ERBB4: variants seen among roughly 807,000 people sequenced by gnomAD.
ERBB4 encodes receptor tyrosine-protein kinase erbB-4.
A neutral mutation model predicts 158.0 loss-of-function variants in ERBB4; 42 were observed. That is an observed-to-expected ratio of 0.27 (90% CI 0.21 to 0.34). The LOEUF is 0.34. Among genes scored for constraint, ERBB4 ranks in the 10% least tolerant of loss-of-function variants. ERBB4 has a pLI of 1.00. For synonymous variants in ERBB4, 583 were observed against 558.7 expected, an observed-to-expected ratio of 1.04 and a Z score of -0.61; for missense variants, 1,333 against 1,624.1, an observed-to-expected ratio of 0.82 and a Z score of 3.08.
intron 19 of ERBB4, among the ~76,000 whole-genome samples, chr2:211,591,007 A>G (rs575804505): frequency 1.3e-4 from 20 of 152,370 alleles, no homozygotes; most frequent in African/African-American, 4.8e-4. Flanking sequence ...CTTAAGCAAC[A>G]TAACTGACTA....
chr2:211,392,558 CCACACACACA>C (rs5838261), intron 25 of ERBB4, among the ~76,000 whole-genome samples: 59 of 141,010 alleles, frequency 4.2e-4, no homozygotes, highest in Middle Eastern at 3.6e-3. Flanking sequence ...CTCTCTTACT[CCACACACACA>C]CACACACACA....
intron 19 of ERBB4, among the ~76,000 whole-genome samples, chr2:211,613,839 C>T (rs1040300471): frequency 6.6e-6 from 1 of 152,000 alleles, no homozygotes; most frequent in Non-Finnish European, 1.5e-5. Context: ...ATTAGTATAA[C>T]CACTATGGAG....
chr2:211,534,672 A>G (rs1001523022), intron 20 of ERBB4, among the ~76,000 whole-genome samples: 2 of 152,090 alleles, frequency 1.3e-5, no homozygotes, highest in African/African-American at 2.4e-5. Flanking sequence ...TTTCGGTTAA[A>G]TCATTGCTAT....
Position 211,376,636 on chromosome 2 carries a change from A to G in ERBB4, c.*6979T>C, listed in dbSNP as rs1192160316. The G allele has an allele frequency of 4.3e-6, 1 of 232,874 alleles. No homozygotes were observed. The highest frequency in any genetic ancestry group is 6.0e-5 in the East Asian group (1 of 16,530). The allele number at this position is 232,874 out of a possible 1,614,324, so 14.4% of individuals were successfully genotyped here. A position where few individuals can be genotyped will look rare whatever the true frequency, so the allele number is the denominator to read the frequency against. ...ATACACCTTAAGCCTCTGCCTTTTCAGTAAAGTGACTCCCTCTCTCACCCA... is the reference window on the plus strand; with the variant it reads ...ATACACCTTAAGCCTCTGCCTTTTCGGTAAAGTGACTCCCTCTCTCACCCA... On this transcript the variant is annotated 3_prime_UTR_variant, in exon 28 of 28. Transcript: ENST00000342788.
Position 212,060,592 on chromosome 2 carries a change from G to A in ERBB4, c.234+64160C>T, listed in dbSNP as rs534919150. Among the ~76,000 whole-genome samples the A allele has an allele frequency of 1.4e-4, 19 of 137,408 alleles. 2 individuals are homozygous for A. In the South Asian group the frequency reaches 2.0e-3, roughly 15 times the overall value. 90.1% of individuals were successfully genotyped at this position (137,408 alleles called of 152,430 possible). On this transcript the variant is annotated intron_variant, in intron 2 of 27. Coordinates refer to ENST00000342788, the MANE Select transcript of ERBB4 (RefSeq NM_005235.3). ...CCATCAATGATAGACTGGATTAAGA[G>A]TATGTGGCACATATACACCATGCAA...
chr2:212,254,038 G>A (rs541836253), intron 1 of ERBB4, among the ~76,000 whole-genome samples: 1 of 152,060 alleles, frequency 6.6e-6, no homozygotes, highest in Non-Finnish European at 1.5e-5. Flanking sequence ...AATCTCAGGA[G>A]ACCGCTGTGG....
chr2:212,415,800 T>C (rs933229821), intron 1 of ERBB4, among the ~76,000 whole-genome samples: 1 of 152,082 alleles, frequency 6.6e-6, no homozygotes, highest in African/African-American at 2.4e-5. Context: ...TTTAAAATAA[T>C]TTACAAAGTG....
intron 12 of ERBB4, among the ~76,000 whole-genome samples, chr2:211,689,272 G>A (rs1176143082): frequency 6.6e-6 from 1 of 152,096 alleles, no homozygotes; most frequent in Non-Finnish European, 1.5e-5. Flanking sequence ...TGGGCTCACT[G>A]TAGCCTTGAC....
chr2:211,675,623 T>A (rs530664140), intron 13 of ERBB4, among the ~76,000 whole-genome samples: 1 of 151,712 alleles, frequency 6.6e-6, no homozygotes, highest in East Asian at 1.9e-4. Context: ...AGTTAAGAGT[T>A]GTTGAAATAC....
chr2:212,344,055 A>G (rs1330013279), intron 1 of ERBB4, among the ~76,000 whole-genome samples: 1 of 152,202 alleles, frequency 6.6e-6, no homozygotes, highest in Non-Finnish European at 1.5e-5. Flanking sequence ...TATTTTGCAT[A>G]ATTTGCTGTT....
At chr2:212,400,675 T>C (rs1407361013) in intron 1 of ERBB4, among the ~76,000 whole-genome samples, 1 of 152,180 alleles carries the variant, frequency 6.6e-6, no homozygotes, top group Non-Finnish European at 1.5e-5. Context: ...AAACTGAAGC[T>C]ATTGAGGAGA....
Position 212,512,804 on chromosome 2 carries a change from G to GA in ERBB4, c.82+25644dup, listed in dbSNP as rs746276474. ...TATAAAATACCATCAATTATTTTAA[G>GA]AAAAAAATGAAAGAGGAAAAAGAAA... On this transcript the variant is annotated intron_variant, in intron 1 of 27. Transcript: ENST00000342788. Among the ~76,000 whole-genome samples the GA allele has an allele frequency of 3.7e-4, 56 of 151,824 alleles. 1 individual carries two copies. The highest frequency in any genetic ancestry group is 5.9e-4 in the Non-Finnish European group (40 of 67,932).
chr2:212,468,943 A>G (rs1688980209), intron 1 of ERBB4, among the ~76,000 whole-genome samples: 1 of 152,226 alleles, frequency 6.6e-6, no homozygotes. Context: ...TAGGAAAAAA[A>G]TTATCTTCTC....
At chr2:211,412,135 GA>G (rs1225548944) in intron 25 of ERBB4, among the ~76,000 whole-genome samples, 2 of 151,862 alleles carry the variant, frequency 1.3e-5, no homozygotes, top group African/African-American at 4.8e-5. Context: ...ATAATTTAAT[GA>G]GGAGCAAGAG....
chr2:211,747,074 A>G (rs978020519), intron 5 of ERBB4, among the ~76,000 whole-genome samples: 4 of 152,164 alleles, frequency 2.6e-5, no homozygotes, highest in African/African-American at 7.2e-5. Flanking sequence ...GGAAACCTCA[A>G]TTAGCTTTAA....
intron 1 of ERBB4, among the ~76,000 whole-genome samples, chr2:212,427,039 T>G (rs1339142087): frequency 3.3e-5 from 5 of 152,166 alleles, no homozygotes; most frequent in African/African-American, 1.2e-4. Flanking sequence ...TAGACAACTG[T>G]TTTACACCAT....
intron 23 of ERBB4, among the ~76,000 whole-genome samples, chr2:211,422,348 T>C (rs1336183048): frequency 1.3e-5 from 2 of 151,856 alleles, no homozygotes; most frequent in African/African-American, 4.8e-5. Context: ...CTGATGTGTA[T>C]AGACGTGACT....
intron 2 of ERBB4, among the ~76,000 whole-genome samples, chr2:212,113,901 A>G (rs1309287511): frequency 3.3e-5 from 5 of 152,234 alleles, no homozygotes; most frequent in Non-Finnish European, 7.3e-5. Context: ...GAGGAACTTC[A>G]GTTGGAAAAG....
intron 1 of ERBB4, among the ~76,000 whole-genome samples, chr2:212,365,716 G>A (rs757223637): frequency 4.3e-4 from 65 of 151,566 alleles, no homozygotes; most frequent in Non-Finnish European, 2.8e-4. Context: ...TCCTTGTTTC[G>A]GTTTATACAT....
Sources: gnomAD v4.1 joint callset for allele counts (sites outside exome capture counted in the v4.1 genomes callset) on GRCh38, gnomAD v4.1.1 for gene constraint, MANE v1.5 for transcripts, NCBI Gene and HGNC (gene_info 2026-07-23, HGNC 2026-07-21) for gene names.